Variants in TET3 observed in about 807,000 individuals in gnomAD.
The protein encoded by TET3 is tet methylcytosine dioxygenase 3.
A neutral mutation model predicts 141.4 loss-of-function variants in TET3; 19 were observed. The ratio of observed to expected loss-of-function variants is 0.13; its 90% CI spans 0.09 to 0.20. The LOEUF (loss-of-function observed/expected upper bound fraction) is 0.20, where lower values mean the gene tolerates loss of function less well. Among genes scored for constraint, TET3 ranks in the 10% least tolerant of loss-of-function variants. The pLI is 1.00. For missense variants in TET3, 1,874 were observed against 2,356.9 expected (o/e 0.80, Z 4.24); for synonymous variants, 1,043 against 980.9 (o/e 1.06, Z -1.18).
At chr2:74,123,907 C>CGCG in the TET3 span, among the ~76,000 whole-genome samples, 3 of 151,412 alleles carry the variant, frequency 2.0e-5, no homozygotes, top group African/African-American at 7.3e-5. Flanking sequence ...TCTGCCAGGC[C>CGCG]GCGACCTCGT....
intron 8 of TET3, among the ~76,000 whole-genome samples, chr2:74,091,061 T>C (rs776544223): frequency 6.6e-6 from 1 of 152,168 alleles, no homozygotes; most frequent in Non-Finnish European, 1.5e-5. Flanking sequence ...TGGGTCCTCA[T>C]AAGAAAAAGG....
chr2:73,997,505 G>A (rs1245658502), intron 2 of TET3, among the ~76,000 whole-genome samples: 1 of 152,130 alleles, frequency 6.6e-6, no homozygotes, highest in Admixed American at 6.5e-5. Context: ...GTGCAGTGAG[G>A]GGAGAGGGGG....
At chr2:74,056,542 G>A (rs1688225244) in intron 4 of TET3, among the ~76,000 whole-genome samples, 2 of 151,660 alleles carry the variant, frequency 1.3e-5, no homozygotes, top group Non-Finnish European at 2.9e-5. Context: ...GAAAGGGGGG[G>A]AAAAAAAGAA....
chr2:74,062,727 A>G (rs993812520), intron 4 of TET3, among the ~76,000 whole-genome samples: 5 of 152,196 alleles, frequency 3.3e-5, no homozygotes, highest in Non-Finnish European at 2.9e-5. Flanking sequence ...CCGGAAATAT[A>G]TGTTATAACA....
Position 74,046,933 on chromosome 2 carries a change from T to A in TET3, c.1016T>A (p.Leu339Gln). ...ATCTCTCCCCAAGAGGGCCTGCCCC[T>A]GTCCCAGAGTGCCCTGAGCATTGCC... ...PQISPQEGLP[L>Q]SQSALSIAKE... The change falls in exon 4 of 12, where the codon CTG (leucine) becomes CAG (glutamine). Residue 339 changes from leucine to glutamine, a missense_variant. Leu to Gln is a moderately radical substitution (Grantham distance 113). Around this residue, in one of 10 missense-constraint regions of TET3, gnomAD observed 366 missense variants for 487.0 expected, o/e 0.75. Transcript: ENST00000409262. The surrounding 1 kb of genome is among the most constrained non-coding windows in gnomAD (Gnocchi z 4.3). 1 of 1,613,960 alleles carries A rather than the reference T, an allele frequency of 6.2e-7. No homozygotes were observed. The highest frequency in any genetic ancestry group is 8.5e-7 in the Non-Finnish European group (1 of 1,179,870).
chr2:74,018,459 A>G (rs1685853708), intron 3 of TET3, among the ~76,000 whole-genome samples: 1 of 152,136 alleles, frequency 6.6e-6, no homozygotes, highest in Admixed American at 6.5e-5. Flanking sequence ...TTTATTTTAG[A>G]TGTTCAGATT....
intron 10 of TET3, among the ~76,000 whole-genome samples, chr2:74,098,847 G>A (rs1056991757): frequency 1.7e-4 from 26 of 152,152 alleles, no homozygotes; most frequent in African/African-American, 5.6e-4. Context: ...ACCCGCCTTG[G>A]CCTCCCAAAA....
chr2:74,114,975 T>C, the TET3 span, among the ~76,000 whole-genome samples: 16 of 150,750 alleles, frequency 1.1e-4, no homozygotes, highest in African/African-American at 1.7e-4. Context: ...AAGACCTAAA[T>C]GTAAGGCCCC....
chr2:74,001,119 A>ACCTGCCTCCCTC (rs1430595458), intron 2 of TET3, among the ~76,000 whole-genome samples: 26 of 152,214 alleles, frequency 1.7e-4, no homozygotes, highest in Admixed American at 1.3e-3. Flanking sequence ...ATGCTTTGCC[A>ACCTGCCTCCCTC]CCTGCCTCCC....
At chr2:74,098,863 C>T (rs886178298) in intron 10 of TET3, among the ~76,000 whole-genome samples, 3 of 152,098 alleles carry the variant, frequency 2.0e-5, no homozygotes, top group Non-Finnish European at 4.4e-5. Context: ...CAAAAGGAAA[C>T]GTATTTTAAG....
Position 74,080,505 on chromosome 2 carries a change from G to T in TET3, c.2593G>T (p.Glu865Ter). The T allele has an allele frequency of 6.2e-7, 1 of 1,613,488 alleles. No homozygotes were observed. ...TTCTGTCTCCCTCTTCAGGTATGGA[G>T]AGAAGGGGAAAGCCATCCGGATCGA... ...IRELMEERYG[E>*]KGKAIRIEKV... Residue 865 changes from glutamate to a stop codon, truncating the protein, a stop_gained, in exon 6 of 12, where the codon GAG (glutamate) becomes TAG (stop). Coordinates refer to ENST00000409262, the MANE Select transcript of TET3 (RefSeq NM_001287491.2). LOFTEE classifies it high-confidence loss of function.
intron 1 of TET3, 34 bp from the exon 2 acceptor site, chr2:73,985,946 C>G (rs530293144): frequency 1.3e-5 from 2 of 154,436 alleles, no homozygotes; most frequent in African/African-American, 4.8e-5. Flanking sequence ...CCCTGAGCCC[C>G]GAGTGATGCG....
At position 74,102,065 on chromosome 2, in the gene TET3, G is replaced by A. The variant is rs1691255097; in HGVS notation, c.5277G>A (p.Lys1759=). The A allele has an allele frequency of 1.3e-6, 2 of 1,520,568 alleles. No homozygotes were observed. The highest frequency in any genetic ancestry group is 1.8e-4 in the Middle Eastern group (1 of 5,642). The allele number at this position is 1,520,568 out of a possible 1,614,324, so 94.2% of individuals were successfully genotyped here. Residue 1759 remains lysine (K), a synonymous_variant, in exon 12 of 12, where the codon AAG becomes AAA. Transcript: ENST00000409262. ...TVVAEPQQKE[K]KGVVPTRQAL... ...TTGCTGAGCCCCAGCAGAAAGAGAAGAAGGGGGTCGTCCCCACCCGGCAGG... is the reference window on the plus strand; with the variant it reads ...TTGCTGAGCCCCAGCAGAAAGAGAAAAAGGGGGTCGTCCCCACCCGGCAGG...
intron 4 of TET3, among the ~76,000 whole-genome samples, chr2:74,056,839 G>T (rs1688246990): frequency 6.6e-6 from 1 of 152,164 alleles, no homozygotes. Context: ...AGGTCTCTCT[G>T]CCACTTTGAG....
chr2:74,078,524 T>C (rs913044827), intron 5 of TET3, among the ~76,000 whole-genome samples: 1 of 152,214 alleles, frequency 6.6e-6, no homozygotes, highest in Non-Finnish European at 1.5e-5. Context: ...AAAATTGATA[T>C]TTTTTGTGAA....
chr2:74,121,829 C>G, the TET3 span: 3 of 152,248 alleles, frequency 2.0e-5, no homozygotes, highest in African/African-American at 7.2e-5. Context: ...GAAACCCCAT[C>G]TCTACCAAAA....
At chr2:74,034,350 G>A (rs1379766905) in intron 3 of TET3, among the ~76,000 whole-genome samples, 1 of 151,530 alleles carries the variant, frequency 6.6e-6, no homozygotes, top group Non-Finnish European at 1.5e-5. Flanking sequence ...CCCCAAGTTA[G>A]CTGGAATATT....
intron 3 of TET3, among the ~76,000 whole-genome samples, chr2:74,015,980 C>G (rs1441203798): frequency 6.6e-6 from 1 of 151,984 alleles, no homozygotes; most frequent in Non-Finnish European, 1.5e-5. Flanking sequence ...CCTATTACAT[C>G]CATATTACTC....
chr2:74,005,209 C>T (rs753499793), intron 3 of TET3, among the ~76,000 whole-genome samples: 4 of 152,310 alleles, frequency 2.6e-5, no homozygotes, highest in Middle Eastern at 3.4e-3. Flanking sequence ...AAGCTCCCAG[C>T]CTAATGCCCC....
Sources: allele counts gnomAD v4.1 joint callset (sites outside exome capture counted in the v4.1 genomes callset), GRCh38; gene constraint gnomAD v4.1.1; regional missense constraint gnomAD v4.1.1; non-coding constraint Gnocchi (gnomAD v3.1); transcripts MANE v1.5; gene names NCBI Gene and HGNC (gene_info 2026-07-23, HGNC 2026-07-21).